Variants in LRP1B observed in about 807,000 individuals in gnomAD.
The protein encoded by LRP1B is LDL receptor related protein 1B, also known as low-density lipoprotein receptor-related protein 1B.
LRP1B carries 217 observed loss-of-function variants against 556.6 expected under a neutral mutation model. The observed-to-expected ratio is 0.39, with a 90% confidence interval of 0.35 to 0.44. LRP1B has a LOEUF of 0.44. Ranked by LOEUF, LRP1B falls within the 20% of genes least tolerant of loss-of-function variation. The pLI, the probability that LRP1B is intolerant of heterozygous loss-of-function variation, is 1.00. For synonymous variants in LRP1B, 2,047 were observed against 1,865.8 expected, an observed-to-expected ratio of 1.10 and a Z score of -2.50; for missense variants, 5,053 against 5,620.8, an observed-to-expected ratio of 0.90 and a Z score of 3.23.
At chr2:140,357,731 G>A (rs907094472) in intron 74 of LRP1B, among the ~76,000 whole-genome samples, 7 of 151,516 alleles carry the variant, frequency 4.6e-5, no homozygotes, top group South Asian at 4.2e-4. Context: ...CATCAACTTC[G>A]ATATTTGAAT....
At chr2:141,016,879 C>A (rs1697915612) in intron 12 of LRP1B, among the ~76,000 whole-genome samples, 1 of 152,022 alleles carries the variant, frequency 6.6e-6, no homozygotes, top group African/African-American at 2.4e-5. Flanking sequence ...ATTTTGTAGA[C>A]CCTAAGAATT....
Position 140,543,399 on chromosome 2 carries a change from A to T in LRP1B, c.7195-1428T>A, listed in dbSNP as rs573236057. Among the ~76,000 whole-genome samples, 9 of 152,178 alleles carry T rather than the reference A, an allele frequency of 5.9e-5. No individual in the cohort carries two copies. In the South Asian group the frequency reaches 1.9e-3, roughly 31 times the overall value. On this transcript the variant is annotated intron_variant, in intron 43 of 90. Coordinates refer to ENST00000389484, the MANE Select transcript of LRP1B (RefSeq NM_018557.3). The stretch of plus-strand genomic sequence containing the variant: ...GTTTTTTTATGTCAATAAAATGGTT[A>T]ATACATCATGATAAAATTAGGTTTG...
At chr2:140,654,021 A>G in intron 41 of LRP1B, among the ~76,000 whole-genome samples, 1 of 119,654 alleles carries the variant, frequency 8.4e-6, no homozygotes, top group Admixed American at 9.6e-5. Flanking sequence ...GCAAGACTCC[A>G]TCTCAAAAAA....
chr2:140,825,703 A>AT lies in LRP1B; in HGVS notation c.5210-11898dup, dbSNP rs368288114. Among the ~76,000 whole-genome samples the AT allele has an allele frequency of 6.5e-4, 98 of 150,978 alleles. No homozygotes were observed. The East Asian group carries it at 9.1e-3, about 14-fold the overall frequency. ...TTTAAAAAGAAGGATCAATTGTGGA[A>AT]TTTTTTTTTTCTTTAACAGAGCTCG... On this transcript the variant is annotated intron_variant, in intron 31 of 90. Coordinates refer to ENST00000389484, the MANE Select transcript of LRP1B (RefSeq NM_018557.3).
intron 11 of LRP1B, among the ~76,000 whole-genome samples, chr2:141,038,895 T>C (rs1468769562): frequency 6.6e-6 from 1 of 152,050 alleles, no homozygotes; most frequent in African/African-American, 2.4e-5. Flanking sequence ...TGGTAATTTA[T>C]TTAAGTGTGT....
At chr2:141,430,266 C>T (rs916633207) in intron 3 of LRP1B, among the ~76,000 whole-genome samples, 4 of 152,110 alleles carry the variant, frequency 2.6e-5, no homozygotes, top group African/African-American at 9.7e-5. Context: ...TAATGAATAA[C>T]CTCACTCTTA....
chr2:141,616,326 A>G (rs915219511), intron 2 of LRP1B, among the ~76,000 whole-genome samples: 5 of 152,010 alleles, frequency 3.3e-5, no homozygotes, highest in East Asian at 1.9e-4. Context: ...ATAAAATGAC[A>G]TAAACTTTAT....
chr2:142,091,029 CT>C (rs1706148249), intron 1 of LRP1B, among the ~76,000 whole-genome samples: 1 of 152,110 alleles, frequency 6.6e-6, no homozygotes. Flanking sequence ...GAAAATTTCT[CT>C]CATTGGTTAT....
chr2:140,410,660 C>A (rs1167499645), intron 66 of LRP1B, among the ~76,000 whole-genome samples: 1 of 152,122 alleles, frequency 6.6e-6, no homozygotes, highest in African/African-American at 2.4e-5. Context: ...CAAAGTATCT[C>A]AATGGATAAT....
rs571608893 is a variant in LRP1B, at chr2:140,724,550, A to T, written c.5759-7734T>A. ...TATGTGTTAAATTGCAAAAAATTCT[A>T]TATAAAGTGTGTTTCAATTTCTTCA... is the stretch of plus-strand genomic sequence containing the variant. On this transcript the variant is annotated intron_variant, in intron 35 of 90. Coordinates refer to ENST00000389484, the MANE Select transcript of LRP1B (RefSeq NM_018557.3). 1.8e-4 allele frequency among the ~76,000 whole-genome samples: 28 copies of T among 152,302 alleles called. No homozygotes were observed. In the East Asian group the frequency reaches 5.2e-3, roughly 28 times the overall value.
At chr2:141,438,514 T>G (rs1195357897) in intron 3 of LRP1B, among the ~76,000 whole-genome samples, 1 of 152,168 alleles carries the variant, frequency 6.6e-6, no homozygotes, top group Non-Finnish European at 1.5e-5. Context: ...CCTATTTCCT[T>G]CAGTCTTTCT....
At chr2:140,787,083 C>G (rs1559118839) in intron 32 of LRP1B, among the ~76,000 whole-genome samples, 1 of 152,188 alleles carries the variant, frequency 6.6e-6, no homozygotes, top group Non-Finnish European at 1.5e-5. Flanking sequence ...ACTCAGCTAA[C>G]AGAGCAAACT....
chr2:141,948,090 G>A (rs1009880282), intron 1 of LRP1B, among the ~76,000 whole-genome samples: 9 of 152,056 alleles, frequency 5.9e-5, no homozygotes, highest in Non-Finnish European at 5.9e-5. Context: ...TTGAGGTCAG[G>A]AGTTGGAGAC....
intron 43 of LRP1B, chr2:140,586,720 C>T (rs1369995364): frequency 2.6e-5 from 4 of 152,104 alleles, no homozygotes; most frequent in African/African-American, 9.7e-5. Context: ...GGTAGCACCC[C>T]TCACTTTCCC....
chr2:141,405,834 C>A (rs1257894996), intron 3 of LRP1B, among the ~76,000 whole-genome samples: 4 of 151,990 alleles, frequency 2.6e-5, no homozygotes, highest in African/African-American at 7.2e-5. Flanking sequence ...CAAATGAATA[C>A]AACATGATAG....
intron 1 of LRP1B, among the ~76,000 whole-genome samples, chr2:141,917,060 C>T (rs961497220): frequency 1.3e-5 from 2 of 152,180 alleles, no homozygotes; most frequent in African/African-American, 2.4e-5. Flanking sequence ...ACATATGAAT[C>T]ACAGATAGCA....
intron 1 of LRP1B, among the ~76,000 whole-genome samples, chr2:142,011,741 C>T (rs993796556): frequency 3.3e-5 from 5 of 152,142 alleles, no homozygotes; most frequent in African/African-American, 1.2e-4. Flanking sequence ...TACTATTTGT[C>T]TTCATCCATG....
chr2:141,834,448 A>G (rs1260357584), intron 1 of LRP1B, among the ~76,000 whole-genome samples: 1 of 151,956 alleles, frequency 6.6e-6, no homozygotes, highest in Non-Finnish European at 1.5e-5. Context: ...GACCAGATAA[A>G]GCAGTAAAAA....
intron 84 of LRP1B, among the ~76,000 whole-genome samples, chr2:140,288,405 A>AATG (rs1180098723): frequency 1.3e-5 from 2 of 151,786 alleles, no homozygotes; most frequent in African/African-American, 4.8e-5. Context: ...AAGATTTCTG[A>AATG]CTCAGCATTT....
Sources: gnomAD v4.1 joint callset for allele counts (sites outside exome capture counted in the v4.1 genomes callset) on GRCh38, gnomAD v4.1.1 for gene constraint, MANE v1.5 for transcripts, NCBI Gene and HGNC (gene_info 2026-07-23, HGNC 2026-07-21) for gene names.